NT5M: variants seen among roughly 807,000 people sequenced by gnomAD.
NT5M encodes 5'(3')-deoxyribonucleotidase, mitochondrial.
Under a neutral mutation model 22.2 loss-of-function variants are expected in NT5M, and 22 were observed. The observed-to-expected ratio is 0.99, with a 90% CI of 0.71 to 1.41. The LOEUF (loss-of-function observed/expected upper bound fraction) is 1.41, where lower values mean the gene tolerates loss of function less well. NT5M is among the 40% of genes most tolerant of loss of function. The pLI, the probability that NT5M is intolerant of heterozygous loss-of-function variation, is 0.00. For missense variants in NT5M, 322 were observed against 314.8 expected, an observed-to-expected ratio of 1.02 and a Z score of -0.17; for synonymous variants, 167 against 133.0, an observed-to-expected ratio of 1.26 and a Z score of -1.76.
At chr17:17,338,951 T>C (rs2049583741) in intron 3 of NT5M, among the ~76,000 whole-genome samples, 1 of 152,002 alleles carries the variant, frequency 6.6e-6, no homozygotes, top group African/African-American at 2.4e-5. Flanking sequence ...ATGGTCTCGA[T>C]TTCCTGACCT....
At chr17:17,333,526 G>C (rs2049431100) in intron 3 of NT5M, 1 of 152,406 alleles carries the variant, frequency 6.6e-6, no homozygotes. Flanking sequence ...GCCCAAGCTG[G>C]TCTTGAACCC....
intron 2 of NT5M, among the ~76,000 whole-genome samples, chr17:17,317,584 C>A (rs1402586811): frequency 6.6e-6 from 1 of 152,172 alleles, no homozygotes; most frequent in African/African-American, 2.4e-5. Flanking sequence ...TAGAGTGAGA[C>A]AGTCTCTAAA....
intron 2 of NT5M, among the ~76,000 whole-genome samples, chr17:17,311,675 TG>T: frequency 6.6e-6 from 1 of 152,328 alleles, no homozygotes; most frequent in Admixed American, 6.5e-5. Context: ...CTCTAAAAAT[TG>T]TCAACTTTTA....
chr17:17,338,685 T>G (rs1490641364), intron 3 of NT5M, among the ~76,000 whole-genome samples: 1 of 147,802 alleles, frequency 6.8e-6, no homozygotes, highest in African/African-American at 2.5e-5. Flanking sequence ...GGGTTTTTTT[T>G]TTTTTTTTTT....
intron 3 of NT5M, among the ~76,000 whole-genome samples, chr17:17,324,929 G>A (rs2049233839): frequency 6.6e-6 from 1 of 152,200 alleles, no homozygotes; most frequent in African/African-American, 2.4e-5. Context: ...GCCAGTAAAT[G>A]TGGATTCAGA....
At position 17,306,665 on chromosome 17, in the gene NT5M, C is replaced by T. The variant is rs1182691696; in HGVS notation, c.368+22C>T. 3 of 1,554,026 alleles carry T rather than the reference C, an allele frequency of 1.9e-6. No homozygotes were observed. In the South Asian group the frequency reaches 3.3e-5, roughly 17 times the overall value. ...AAAAGTAAGTTTGTCCTCCCAGCCACTCAGTAAGTTTGTCTGAGCAGCCAC... is the reference window on the plus strand; with the variant it reads ...AAAAGTAAGTTTGTCCTCCCAGCCATTCAGTAAGTTTGTCTGAGCAGCCAC... On this transcript the variant is annotated intron_variant, in intron 2 of 4. Transcript: ENST00000389022.
intron 3 of NT5M, among the ~76,000 whole-genome samples, chr17:17,334,380 G>C (rs1294644253): frequency 6.6e-6 from 1 of 150,830 alleles, no homozygotes; most frequent in Non-Finnish European, 1.5e-5. Context: ...TCTCACTGAA[G>C]TGTCATGGTA....
chr17:17,319,445 A>G (rs2049105650), intron 2 of NT5M, among the ~76,000 whole-genome samples: 2 of 152,196 alleles, frequency 1.3e-5, no homozygotes, highest in Admixed American at 6.6e-5. Context: ...ATTAGGATAT[A>G]TGAATTCTAT....
At chr17:17,309,534 G>A (rs2048879903) in intron 2 of NT5M, among the ~76,000 whole-genome samples, 1 of 152,194 alleles carries the variant, frequency 6.6e-6, no homozygotes, top group African/African-American at 2.4e-5. Flanking sequence ...TTTCCCACTA[G>A]CATCATATGA....
At chr17:17,311,480 A>G (rs2048921789) in intron 2 of NT5M, among the ~76,000 whole-genome samples, 1 of 152,124 alleles carries the variant, frequency 6.6e-6, no homozygotes, top group Admixed American at 6.6e-5. Flanking sequence ...AGTTTCATTT[A>G]TTGAAAAGAC....
intron 3 of NT5M, among the ~76,000 whole-genome samples, chr17:17,328,461 C>A (rs958608299): frequency 1.3e-5 from 2 of 152,184 alleles, no homozygotes; most frequent in African/African-American, 4.8e-5. Flanking sequence ...GTGCCCCTCC[C>A]AACCCTATGG....
At chr17:17,314,719 C>T (rs2048988665) in intron 2 of NT5M, among the ~76,000 whole-genome samples, 1 of 152,212 alleles carries the variant, frequency 6.6e-6, no homozygotes, top group Non-Finnish European at 1.5e-5. Flanking sequence ...GGCTTCTTTC[C>T]TGCCCCTTGG....
At chr17:17,315,128 T>C (rs547925802) in intron 2 of NT5M, among the ~76,000 whole-genome samples, 2 of 147,214 alleles carry the variant, frequency 1.4e-5, no homozygotes, top group Admixed American at 1.3e-4. Flanking sequence ...AATTGTTGAT[T>C]TAAAAAAAAA....
intron 2 of NT5M, among the ~76,000 whole-genome samples, chr17:17,309,520 C>G (rs895075864): frequency 6.6e-6 from 1 of 152,194 alleles, no homozygotes; most frequent in Non-Finnish European, 1.5e-5. Flanking sequence ...TGTACTATTG[C>G]ACATTTCCCA....
intron 2 of NT5M, among the ~76,000 whole-genome samples, chr17:17,319,995 A>G (rs1340373209): frequency 1.3e-5 from 2 of 152,036 alleles, no homozygotes; most frequent in Non-Finnish European, 1.5e-5. Flanking sequence ...GGTGCTCATC[A>G]CCACGTCCGG....
At chr17:17,344,526 A>G (rs917838388) in intron 3 of NT5M, among the ~76,000 whole-genome samples, 2 of 152,042 alleles carry the variant, frequency 1.3e-5, no homozygotes, top group Non-Finnish European at 2.9e-5. Flanking sequence ...GCTGGGTGTG[A>G]AGAGGGGACA....
intron 3 of NT5M, among the ~76,000 whole-genome samples, chr17:17,332,356 C>T (rs1809597893): frequency 1.3e-5 from 2 of 152,158 alleles, no homozygotes; most frequent in Admixed American, 1.3e-4. Flanking sequence ...TTTTCCAGCA[C>T]TGTCCTCTGC....
intron 2 of NT5M, among the ~76,000 whole-genome samples, chr17:17,307,395 A>G (rs12950929): frequency 0.77 from 116,347 of 151,470 alleles, 45,229 homozygotes; most frequent in Non-Finnish European, 0.83. Flanking sequence ...AGGCCGAGGC[A>G]GGTGGATCAC....
At chr17:17,315,626 TTGTC>T (rs1218504573) in intron 2 of NT5M, among the ~76,000 whole-genome samples, 1 of 152,186 alleles carries the variant, frequency 6.6e-6, no homozygotes, top group East Asian at 1.9e-4. Flanking sequence ...AGGCCTTTGT[TTGTC>T]TGAGTAACAT....
Sources: allele counts gnomAD v4.1 joint callset (sites outside exome capture counted in the v4.1 genomes callset), GRCh38; gene constraint gnomAD v4.1.1; transcripts MANE v1.5; gene names NCBI Gene and HGNC (gene_info 2026-07-23, HGNC 2026-07-21).